CRADD: variants seen among roughly 807,000 people sequenced by gnomAD.
CRADD encodes death domain-containing protein CRADD.
A neutral mutation model predicts 15.5 loss-of-function variants in CRADD; 9 were observed. The ratio of observed to expected loss-of-function variants is 0.58; its 90% confidence interval spans 0.35 to 1.01. The LOEUF (loss-of-function observed/expected upper bound fraction) is 1.01, where lower values mean the gene tolerates loss of function less well. Ranked by LOEUF, CRADD falls within the 50% of genes least tolerant of loss-of-function variation. The probability of loss-of-function intolerance (pLI) is 0.02; values close to 1 mark genes in which losing one functional copy is unlikely to be tolerated. For synonymous variants in CRADD, 118 were observed against 107.6 expected (o/e 1.10, Z -0.60); for missense variants, 227 against 250.3 (o/e 0.91, Z 0.63).
In CRADD at chr12:93,818,504, C is replaced by T. The variant is rs1267710292; in HGVS notation, c.299-31466C>T. 2.6e-5 allele frequency among the ~76,000 whole-genome samples: 4 copies of T among 152,276 alleles called. No homozygotes were observed. In the East Asian group the frequency reaches 7.7e-4, roughly 29 times the overall value. ...AGGTGACCTGTGTCTTCTGGTTAGG[C>T]TCCCTTCCTAGACGGGTTTTGTCTT... On this transcript the variant is annotated intron_variant, in intron 2 of 2. Transcript: ENST00000332896.
At chr12:93,780,202 T>C (rs1016069736) in intron 2 of CRADD, among the ~76,000 whole-genome samples, 1 of 152,080 alleles carries the variant, frequency 6.6e-6, no homozygotes, top group African/African-American at 2.4e-5. Flanking sequence ...TGGCTTCTCT[T>C]TCTCTATTAA....
At chr12:93,880,788 G>T (rs2137072768) in intron 2 of CRADD, among the ~76,000 whole-genome samples, 1 of 152,282 alleles carries the variant, frequency 6.6e-6, no homozygotes, top group Non-Finnish European at 1.5e-5. Context: ...CCTTTCGGTT[G>T]CTCCCAAGCT....
intron 2 of CRADD, among the ~76,000 whole-genome samples, chr12:93,801,380 T>TTA (rs1322794008): frequency 6.6e-6 from 1 of 152,186 alleles, no homozygotes; most frequent in African/African-American, 2.4e-5. Flanking sequence ...GATGTAGTTC[T>TTA]TAGGCCCTAT....
intron 2 of CRADD, among the ~76,000 whole-genome samples, chr12:93,749,596 A>G (rs555317928): frequency 6.6e-6 from 1 of 151,350 alleles, no homozygotes; most frequent in Admixed American, 6.6e-5. Flanking sequence ...TTTCCTCTTT[A>G]TTTTTTAGGT....
At chr12:93,875,264 C>G (rs562913544) in intron 2 of CRADD, among the ~76,000 whole-genome samples, 1 of 151,004 alleles carries the variant, frequency 6.6e-6, no homozygotes, top group Admixed American at 6.6e-5. Context: ...TTTTTTCCAT[C>G]CTTTTATTTT....
intron 2 of CRADD, among the ~76,000 whole-genome samples, chr12:93,829,578 A>C (rs1957866350): frequency 6.6e-6 from 1 of 152,214 alleles, no homozygotes; most frequent in African/African-American, 2.4e-5. Context: ...AATGAAACAC[A>C]TCTACGGGCC....
chr12:93,678,988 T>C lies in CRADD; in HGVS notation c.214T>C (p.Phe72Leu). The C allele has an allele frequency of 1.2e-6, 2 of 1,614,036 alleles. No homozygotes were observed. Among genetic ancestry groups the C allele is most frequent in the African/African-American group, 1.3e-5 (1 of 75,040 alleles). ...CAGGGGCCCTAAAGCATTTGATACA[T>C]TCCTAGATTCCCTACAGGAGTTTCC... ...PSRGPKAFDT[F>L]LDSLQEFPWV... Residue 72 changes from phenylalanine to leucine, a missense_variant, in exon 2 of 3, where the codon TTC becomes CTC. Transcript: ENST00000332896.
chr12:93,750,356 A>T (rs1298386953), intron 2 of CRADD, among the ~76,000 whole-genome samples: 1 of 152,208 alleles, frequency 6.6e-6, no homozygotes, highest in African/African-American at 2.4e-5. Context: ...GCGTTGTCTA[A>T]CAAGACCTAA....
At chr12:93,857,909 A>G (rs1443948212) in intron 2 of CRADD, among the ~76,000 whole-genome samples, 2 of 152,248 alleles carry the variant, frequency 1.3e-5, no homozygotes, top group East Asian at 3.8e-4. Context: ...TGGACAAATT[A>G]TATAAAGTGA....
In CRADD at chr12:93,850,204, A is replaced by G. The variant is rs1206375254; in HGVS notation, c.533A>G (p.Gln178Arg). The G allele has an allele frequency of 3.7e-6, 6 of 1,613,364 alleles. No homozygotes were observed. In the African/African-American group the frequency reaches 6.7e-5, roughly 18 times the overall value. ...RQRFGKQATF[Q>R]SLHNGLRAVE... The stretch of plus-strand genomic sequence containing the variant: ...CGCTTCGGGAAGCAGGCCACCTTCC[A>G]GAGCCTGCACAACGGGCTGCGGGCT... The change falls in exon 3 of 3, where the codon CAG becomes CGG. Residue 178 changes from glutamine to arginine, a missense_variant. Gln to Arg is a conservative substitution (Grantham distance 43). Coordinates refer to ENST00000332896, the MANE Select transcript of CRADD (RefSeq NM_003805.5). The surrounding 1 kb of genome is among the most constrained non-coding windows in gnomAD (Gnocchi z 4.0).
intron 2 of CRADD, among the ~76,000 whole-genome samples, chr12:93,834,724 G>T (rs1376803864): frequency 6.6e-6 from 1 of 152,196 alleles, no homozygotes; most frequent in Non-Finnish European, 1.5e-5. Flanking sequence ...CCCACCTCAG[G>T]TGATCCACCT....
At chr12:93,706,625 A>G (rs1224801912) in intron 2 of CRADD, among the ~76,000 whole-genome samples, 1 of 152,224 alleles carries the variant, frequency 6.6e-6, no homozygotes, top group East Asian at 1.9e-4. Flanking sequence ...GAGAAGTGAT[A>G]TTCATACTGA....
At chr12:93,865,390 G>A (rs117192951) in intron 2 of CRADD, among the ~76,000 whole-genome samples, 3,602 of 152,162 alleles carry the variant, frequency 0.024, 75 homozygotes, top group Non-Finnish European at 0.036. Flanking sequence ...TGTAGTATTG[G>A]CATATAACCT....
chr12:93,876,985 A>G (rs1261405790), intron 2 of CRADD, among the ~76,000 whole-genome samples: 1 of 152,124 alleles, frequency 6.6e-6, no homozygotes, highest in Non-Finnish European at 1.5e-5. Flanking sequence ...AGATATTTGA[A>G]AGAACCTGGG....
At position 93,801,926 on chromosome 12, in the gene CRADD, A is replaced by G. The variant is rs150103340; in HGVS notation, c.299-48044A>G. Among the ~76,000 whole-genome samples, 835 of 152,302 alleles carry G rather than the reference A, an allele frequency of 5.5e-3. 6 individuals carry two copies. Among genetic ancestry groups the G allele is most frequent in the African/African-American group, 0.019 (795 of 41,554 alleles). Reference sequence around the variant, plus strand: ...AATCCTCATAGCTTAGCTCCCACTTATAAGTGAGAACATACAATATTTGTT... The same window carrying G: ...AATCCTCATAGCTTAGCTCCCACTTGTAAGTGAGAACATACAATATTTGTT... On this transcript the variant is annotated intron_variant, in intron 2 of 2. Transcript: ENST00000332896.
At chr12:93,731,065 T>C (rs1321562409) in intron 2 of CRADD, among the ~76,000 whole-genome samples, 1 of 152,152 alleles carries the variant, frequency 6.6e-6, no homozygotes, top group East Asian at 1.9e-4. Context: ...ACAAAGCATG[T>C]TGCAAAACAG....
chr12:93,830,272 G>A (rs998049083), intron 2 of CRADD, among the ~76,000 whole-genome samples: 1 of 152,208 alleles, frequency 6.6e-6, no homozygotes, highest in Admixed American at 6.5e-5. Context: ...TCGAAGAGAT[G>A]ACATGTGAGC....
chr12:93,816,435 C>T (rs949877330), intron 2 of CRADD, among the ~76,000 whole-genome samples: 2 of 139,714 alleles, frequency 1.4e-5, no homozygotes, highest in African/African-American at 5.5e-5. Flanking sequence ...CCATGTTCGT[C>T]AGGCTGGTCT....
intron 2 of CRADD, among the ~76,000 whole-genome samples, chr12:93,703,140 TGA>T (rs1955872702): frequency 6.6e-6 from 1 of 152,140 alleles, no homozygotes; most frequent in Non-Finnish European, 1.5e-5. Context: ...AGCCAAAGAC[TGA>T]TTACCTTCCA....
Sources: allele counts gnomAD v4.1 joint callset (sites outside exome capture counted in the v4.1 genomes callset), GRCh38; gene constraint gnomAD v4.1.1; non-coding constraint Gnocchi (gnomAD v3.1); transcripts MANE v1.5; gene names NCBI Gene and HGNC (gene_info 2026-07-23, HGNC 2026-07-21).